The following SAMD15 variants were observed in gnomAD, a reference collection of about 807,000 sequenced individuals.
SAMD15 encodes the protein sterile alpha motif domain-containing protein 15.
In SAMD15, 37 loss-of-function variants were observed where a neutral mutation model predicts 50.5. The ratio of observed to expected loss-of-function variants is 0.73; its 90% CI spans 0.56 to 0.96. The LOEUF is 0.96. Ranked by LOEUF, SAMD15 falls within the 40% of genes least tolerant of loss-of-function variation. SAMD15 has a pLI of 0.00. For missense variants in SAMD15, 789 were observed against 783.8 expected, an observed-to-expected ratio of 1.01 and a Z score of -0.08; for synonymous variants, 255 against 282.8, an observed-to-expected ratio of 0.90 and a Z score of 0.99.
chr14:77,385,979 C>T (rs1404651771), intron 2 of SAMD15, among the ~76,000 whole-genome samples: 3 of 151,728 alleles, frequency 2.0e-5, no homozygotes, highest in Non-Finnish European at 2.9e-5. Flanking sequence ...TCCCGGGTAG[C>T]TGGGACTACA....
intron 2 of SAMD15, among the ~76,000 whole-genome samples, chr14:77,385,091 G>A (rs1893989218): frequency 6.6e-6 from 1 of 151,866 alleles, no homozygotes; most frequent in Non-Finnish European, 1.5e-5. Flanking sequence ...GCAGAGGCAG[G>A]AGAATCCCTT....
At position 77,391,993 on chromosome 14, in the gene SAMD15, A is replaced by G. The variant is rs8018808; in HGVS notation, c.*749A>G. 0.57 allele frequency among the ~76,000 whole-genome samples: 86,187 copies of G among 151,992 alleles called. 27,280 individuals are homozygous for G. Among genetic ancestry groups the G allele is most frequent in the African/African-American group, 0.85 (35,479 of 41,510 alleles). ...CATTTGAACCCAGGAAACAGAGGTT[A>G]TAGTGAGCTGAGATGGTGCCACTGG... On this transcript the variant is annotated 3_prime_UTR_variant, in exon 3 of 3. Coordinates refer to ENST00000216471, the MANE Select transcript of SAMD15 (RefSeq NM_001010860.4).
chr14:77,385,149 C>T (rs1341726540), intron 2 of SAMD15, among the ~76,000 whole-genome samples: 1 of 152,034 alleles, frequency 6.6e-6, no homozygotes, highest in Non-Finnish European at 1.5e-5. Context: ...TACCACTGCA[C>T]TCTAGCCTGG....
At position 77,388,884 on chromosome 14, in the gene SAMD15, C is replaced by G. The variant is rs1425823546; in HGVS notation, c.1789-2124C>G. Among the ~76,000 whole-genome samples, 3 of 152,272 alleles carry G rather than the reference C, an allele frequency of 2.0e-5. No homozygotes were observed. In the East Asian group the frequency reaches 5.8e-4, roughly 29 times the overall value. ...TCGGCCTCCCAGAGACATAAGCCAC[C>G]TCACCTGGCCTTTGTAGTAACTTGG... is the stretch of plus-strand genomic sequence containing the variant. On this transcript the variant is annotated intron_variant, in intron 2 of 2. Coordinates refer to ENST00000216471, the MANE Select transcript of SAMD15 (RefSeq NM_001010860.4).
At position 77,379,002 on chromosome 14, in the gene SAMD15, C is replaced by T. The variant is rs61729322; in HGVS notation, c.1584C>T (p.Asp528=). The change falls in exon 1 of 3, where the codon GAC becomes GAT. Residue 528 remains aspartate, a synonymous_variant. Transcript: ENST00000216471. The stretch of plus-strand genomic sequence containing the variant: ...TGAAGGAACGGGTCTCTGAAGATGA[C>T]GAAACCCAGCCAGAAAAAGGGACTG... The part of the protein sequence containing the change: ...QELKERVSED[D]ETQPEKGTEL... The T allele has an allele frequency of 3.6e-3, 5,882 of 1,614,006 alleles. 182 individuals are homozygous for T. The African/African-American group carries it at 0.067, about 19-fold the overall frequency.
rs767523618 is a variant in SAMD15 at position 77,391,705 on chromosome 14, C to T, written c.*461C>T. 1.1e-4 allele frequency among the ~76,000 whole-genome samples: 17 copies of T among 152,056 alleles called. No individual in the cohort carries two copies. Among genetic ancestry groups the T allele is most frequent in the Non-Finnish European group, 2.2e-4 (15 of 68,008 alleles). On this transcript the variant is annotated 3_prime_UTR_variant, in exon 3 of 3. Coordinates refer to ENST00000216471, the MANE Select transcript of SAMD15 (RefSeq NM_001010860.4). ...TTATGGTACCCTCCCTTTCTTTTTGCAATTTAACCCCTTGTTAAAACAAAG... is the reference window on the plus strand; with the variant it reads ...TTATGGTACCCTCCCTTTCTTTTTGTAATTTAACCCCTTGTTAAAACAAAG...
chr14:77,390,354 T>C (rs777436875), intron 2 of SAMD15, among the ~76,000 whole-genome samples: 2 of 152,082 alleles, frequency 1.3e-5, no homozygotes, highest in South Asian at 2.1e-4. Context: ...AGACAAGTTA[T>C]TTAATAACCT....
chr14:77,386,688 A>G (rs1894009335), intron 2 of SAMD15, among the ~76,000 whole-genome samples: 1 of 152,206 alleles, frequency 6.6e-6, no homozygotes, highest in South Asian at 2.1e-4. Context: ...TATTTTAACC[A>G]CAACAATTAT....
intron 2 of SAMD15, among the ~76,000 whole-genome samples, chr14:77,388,429 T>TGTGTGTGTG (rs1555361794): frequency 2.0e-5 from 2 of 99,254 alleles, no homozygotes; most frequent in African/African-American, 9.0e-5. Flanking sequence ...GTGTGTGTGT[T>TGTGTGTGTG]TGCTTTTGGA....
At chr14:77,388,733 C>T (rs576427594) in intron 2 of SAMD15, among the ~76,000 whole-genome samples, 41 of 152,110 alleles carry the variant, frequency 2.7e-4, no homozygotes, top group African/African-American at 8.2e-4. Context: ...CTCAACCTCC[C>T]GAGTAGCTGG....
chr14:77,378,641 A>T lies in SAMD15; in HGVS notation c.1223A>T (p.Asp408Val), dbSNP rs938857031. The change falls in exon 1 of 3, where the codon GAT (aspartate) becomes GTT (valine). Residue 408 changes from aspartate (D) to valine (V), a missense_variant. By Grantham distance (152) the Asp-to-Val change is radical. Around this residue, in one of 2 missense-constraint regions of SAMD15, gnomAD observed 770 missense variants for 745.4 expected, o/e 1.03. Transcript: ENST00000216471. Reference sequence around the variant, plus strand: ...ACTGAGAAAATTCTAGAGTTACCAGATGAAACCAAACCAAGGGAGACACAT... The same window carrying T: ...ACTGAGAAAATTCTAGAGTTACCAGTTGAAACCAAACCAAGGGAGACACAT... ...KPTEKILELP[D>V]ETKPRETHVE... 6.2e-7 allele frequency: 1 copy of T among 1,614,170 alleles called. No individual in the cohort carries two copies. Among genetic ancestry groups the T allele is most frequent in the South Asian group, 1.1e-5 (1 of 91,074 alleles).
chr14:77,385,000 G>C (rs1893987670), intron 2 of SAMD15, among the ~76,000 whole-genome samples: 1 of 151,954 alleles, frequency 6.6e-6, no homozygotes, highest in Non-Finnish European at 1.5e-5. Context: ...TGACCAACAT[G>C]GTGAAACCCT....
At chr14:77,390,817 G>C (rs1176579590) in intron 2 of SAMD15, among the ~76,000 whole-genome samples, 191 bp from the exon 3 acceptor site, 1 of 152,136 alleles carries the variant, frequency 6.6e-6, no homozygotes, top group African/African-American at 2.4e-5. Flanking sequence ...TTGAATCCAG[G>C]AGGCAGAGGT....
rs939528375 is a variant in SAMD15, at chr14:77,391,011, A to T, written c.1792A>T (p.Ile598Phe). The part of the protein sequence containing the change: ...GITNFEDMKA[I>F]SRHTQELLEI... ...AAAATTTATCCTTGCGTTTCAGGCA[A>T]TTTCTCGGCATACGCAGGAGCTCCT... The change falls in exon 3 of 3, where the codon ATT becomes TTT. Residue 598 changes from isoleucine (I) to phenylalanine (F), a missense_variant. Ile to Phe is a conservative substitution (Grantham distance 21). Transcript: ENST00000216471. The T allele has an allele frequency of 1.2e-6, 2 of 1,600,496 alleles. No homozygotes were observed. The highest frequency in any genetic ancestry group is 1.7e-4 in the Middle Eastern group (1 of 5,994).
chr14:77,378,315 G>T lies in SAMD15; in HGVS notation c.897G>T (p.Glu299Asp). 6.2e-7 allele frequency: 1 copy of T among 1,612,082 alleles called. No individual in the cohort carries two copies. Among genetic ancestry groups the T allele is most frequent in the Non-Finnish European group, 8.5e-7 (1 of 1,179,590 alleles). The change falls in exon 1 of 3, where the codon GAG becomes GAT. Residue 299 changes from glutamate (E) to aspartate (D), a missense_variant. By Grantham distance (45) the Glu-to-Asp change is conservative. This residue lies in a region of SAMD15 where 770 missense variants were observed against 745.4 expected (regional missense o/e 1.03). Coordinates refer to ENST00000216471, the MANE Select transcript of SAMD15 (RefSeq NM_001010860.4). ...PEEMQRKATE[E>D]KGTELPERTK... Reference sequence around the variant, plus strand: ...AGATGCAAAGAAAGGCAACTGAGGAGAAAGGGACAGAACTACCTGAGCGGA... The same window carrying T: ...AGATGCAAAGAAAGGCAACTGAGGATAAAGGGACAGAACTACCTGAGCGGA...
intron 2 of SAMD15, among the ~76,000 whole-genome samples, chr14:77,384,954 G>A (rs1196217244): frequency 2.6e-5 from 4 of 152,062 alleles, no homozygotes; most frequent in Non-Finnish European, 5.9e-5. Context: ...AGGCTCAGGC[G>A]GGTGGATCAC....
In SAMD15 at chr14:77,377,835, G is replaced by A. The variant is rs1893867491; in HGVS notation, c.417G>A (p.Glu139=). 6.2e-7 allele frequency: 1 copy of A among 1,614,032 alleles called. No individual in the cohort carries two copies. The highest frequency in any genetic ancestry group is 8.5e-7 in the Non-Finnish European group (1 of 1,180,036). Residue 139 remains glutamate, a synonymous_variant, in exon 1 of 3, where the codon GAG becomes GAA. Coordinates refer to ENST00000216471, the MANE Select transcript of SAMD15 (RefSeq NM_001010860.4). ...AAGAGTCAGACCTAGAGCCACCAGAGGAGGCTAAACCAAATGTTACAGAGG... is the reference window on the plus strand; with the variant it reads ...AAGAGTCAGACCTAGAGCCACCAGAAGAGGCTAAACCAAATGTTACAGAGG... ...THKESDLEPP[E]EAKPNVTEDV... is the part of the protein sequence containing the mutation.
In SAMD15 at chr14:77,381,543, T is replaced by C. The variant is rs564828658; in HGVS notation, c.1788+1062T>C. ...ATCAAATGAGATTTTTTGAAAAAGA[T>C]ACATTCCTAGGCTTCATCCTCCAGA... On this transcript the variant is annotated intron_variant, in intron 2 of 2. Transcript: ENST00000216471. Among the ~76,000 whole-genome samples the C allele has an allele frequency of 1.3e-4, 20 of 152,272 alleles. No individual in the cohort carries two copies. The South Asian group carries it at 3.9e-3, about 30-fold the overall frequency.
intron 2 of SAMD15, among the ~76,000 whole-genome samples, chr14:77,382,695 A>G (rs1893958072): frequency 1.3e-5 from 2 of 152,054 alleles, no homozygotes; most frequent in Non-Finnish European, 2.9e-5. Context: ...AAACATTATG[A>G]TGTGGAAATG....
Sources: gnomAD v4.1 joint callset for allele counts (sites outside exome capture counted in the v4.1 genomes callset) on GRCh38, gnomAD v4.1.1 for gene constraint, gnomAD v4.1.1 regional missense constraint, MANE v1.5 for transcripts, NCBI Gene and HGNC (gene_info 2026-07-23, HGNC 2026-07-21) for gene names.